PRKN: variants seen among roughly 807,000 people sequenced by gnomAD.
PRKN encodes parkin RBR E3 ubiquitin protein ligase.
Under a neutral mutation model 59.5 loss-of-function variants are expected in PRKN, and 56 were observed. The ratio of observed to expected loss-of-function variants is 0.94; its 90% CI spans 0.76 to 1.18. PRKN has a LOEUF of 1.18. Ranked by LOEUF, PRKN falls within the 50% of genes most tolerant of loss-of-function variation. The probability of loss-of-function intolerance (pLI) is 0.00; values close to 1 mark genes in which losing one functional copy is unlikely to be tolerated. For missense variants in PRKN, 657 were observed against 596.4 expected (o/e 1.10, Z -1.06); for synonymous variants, 250 against 222.1 (o/e 1.13, Z -1.12).
At chr6:162,445,459 C>A (rs1020896017) in intron 1 of PRKN, among the ~76,000 whole-genome samples, 1 of 151,918 alleles carries the variant, frequency 6.6e-6, no homozygotes, top group African/African-American at 2.4e-5. Context: ...GGCCAAGGGG[C>A]AAGGATGACT....
At chr6:162,007,363 TA>T (rs1438935461) in intron 5 of PRKN, among the ~76,000 whole-genome samples, 1 of 152,122 alleles carries the variant, frequency 6.6e-6, no homozygotes, top group Non-Finnish European at 1.5e-5. Context: ...AATGCAAGTA[TA>T]ATAGCAGACA....
chr6:161,783,681 G>T (rs769406618), intron 7 of PRKN: 2 of 507,708 alleles, frequency 3.9e-6, no homozygotes, highest in African/African-American at 1.9e-5. Context: ...AAGGCAGAAG[G>T]CTTACCAAAA....
At chr6:162,390,427 A>ACC (rs35304231) in intron 2 of PRKN, among the ~76,000 whole-genome samples, 3 of 137,236 alleles carry the variant, frequency 2.2e-5, no homozygotes, top group Admixed American at 7.2e-5. Context: ...ACACACACAC[A>ACC]CCTTATATAT....
At chr6:161,813,667 C>T (rs1791653334) in intron 6 of PRKN, among the ~76,000 whole-genome samples, 1 of 152,178 alleles carries the variant, frequency 6.6e-6, no homozygotes, top group South Asian at 2.1e-4. Context: ...GGGGCTGTAC[C>T]CACAAGGCTC....
At chr6:162,299,135 A>T (rs1457535682) in intron 2 of PRKN, among the ~76,000 whole-genome samples, 1 of 152,214 alleles carries the variant, frequency 6.6e-6, no homozygotes, top group East Asian at 1.9e-4. Context: ...AGCTGCTGGA[A>T]CACATCTCAG....
intron 2 of PRKN, among the ~76,000 whole-genome samples, chr6:162,325,246 T>C (rs1783217405): frequency 6.6e-6 from 1 of 152,118 alleles, no homozygotes; most frequent in Admixed American, 6.6e-5. Context: ...AACACTCCAT[T>C]TGGCTGGTTA....
intron 3 of PRKN, among the ~76,000 whole-genome samples, chr6:162,210,405 A>T (rs918233390): frequency 6.6e-6 from 1 of 152,174 alleles, no homozygotes; most frequent in African/African-American, 2.4e-5. Flanking sequence ...TGCCAAAAAA[A>T]TTCTGAACTC....
At chr6:162,686,185 T>C (rs890788526) in intron 1 of PRKN, among the ~76,000 whole-genome samples, 5 of 152,190 alleles carry the variant, frequency 3.3e-5, no homozygotes, top group Non-Finnish European at 7.3e-5. Context: ...TGAAAAACTA[T>C]ATTTTAAGTA....
chr6:162,374,706 T>G (rs925454073), intron 2 of PRKN, among the ~76,000 whole-genome samples: 5 of 152,076 alleles, frequency 3.3e-5, no homozygotes, highest in Non-Finnish European at 7.4e-5. Flanking sequence ...GAGTTTTTGT[T>G]GTTTGGGTTG....
At chr6:162,069,342 CAGTCATGTGGAACTGTA>C (rs2128290165) in intron 4 of PRKN, among the ~76,000 whole-genome samples, 1 of 152,302 alleles carries the variant, frequency 6.6e-6, no homozygotes, top group East Asian at 1.9e-4. Flanking sequence ...GAGGCCTCCC[CAGTCATGTGGAACTGTA>C]AGTCCAATTA....
At chr6:162,213,260 G>A (rs1053013292) in intron 3 of PRKN, among the ~76,000 whole-genome samples, 1 of 152,062 alleles carries the variant, frequency 6.6e-6, no homozygotes, top group Non-Finnish European at 1.5e-5. Context: ...TAAATATTGG[G>A]GGAAATCTCA....
At chr6:162,317,322 T>G (rs754764080) in intron 2 of PRKN, among the ~76,000 whole-genome samples, 3 of 151,980 alleles carry the variant, frequency 2.0e-5, no homozygotes, top group Non-Finnish European at 4.4e-5. Context: ...TACGACTGTT[T>G]TATAAATGTG....
chr6:162,478,539 C>G (rs9364660), intron 1 of PRKN, among the ~76,000 whole-genome samples: 47,060 of 152,072 alleles, frequency 0.31, 7,563 homozygotes, highest in East Asian at 0.49. Flanking sequence ...CAAGAGCATT[C>G]TAATAAGCAG....
At chr6:162,700,721 C>A (rs532109743) in intron 1 of PRKN, among the ~76,000 whole-genome samples, 2 of 152,076 alleles carry the variant, frequency 1.3e-5, no homozygotes, top group East Asian at 3.9e-4. Context: ...CAAATTGACC[C>A]ATTTCCTAAC....
intron 4 of PRKN, among the ~76,000 whole-genome samples, chr6:162,133,381 T>C (rs1411593240): frequency 1.3e-5 from 2 of 152,184 alleles, no homozygotes; most frequent in African/African-American, 2.4e-5. Flanking sequence ...TTGAAGATAT[T>C]TGTCCTTAGC....
intron 4 of PRKN, among the ~76,000 whole-genome samples, chr6:162,168,360 A>AT (rs36031802): frequency 5.0e-4 from 75 of 149,860 alleles, no homozygotes; most frequent in Admixed American, 2.1e-3. Context: ...TCCTTTCCAA[A>AT]TTTTTTTTTT....
At chr6:161,834,115 G>A (rs2128219239) in intron 6 of PRKN, among the ~76,000 whole-genome samples, 1 of 152,102 alleles carries the variant, frequency 6.6e-6, no homozygotes, top group East Asian at 1.9e-4. Flanking sequence ...CCAGCACACA[G>A]TGAGGAGAGG....
At chr6:161,716,232 A>G in intron 7 of PRKN, 2 of 551,766 alleles carry the variant, frequency 3.6e-6, no homozygotes, top group Non-Finnish European at 6.3e-6. Flanking sequence ...GTAATATTCT[A>G]TTGCCAGATG....
rs997329220 is a variant in PRKN, at chr6:161,953,149, T to C, written c.734+20153A>G. Among the ~76,000 whole-genome samples, 17 of 152,202 alleles carry C rather than the reference T, an allele frequency of 1.1e-4. 1 individual carries two copies. The highest frequency in any genetic ancestry group is 3.3e-4 in the Admixed American group (5 of 15,272). ...TTTATTTAGATGGAGTCTTGCTCTG[T>C]TGCCCACGCTGGAGTGCAGTGGTGT... is the stretch of plus-strand genomic sequence containing the variant. On this transcript the variant is annotated intron_variant, in intron 6 of 11. Transcript: ENST00000366898.
Sources: gnomAD v4.1 joint callset for allele counts (sites outside exome capture counted in the v4.1 genomes callset) on GRCh38, gnomAD v4.1.1 for gene constraint, MANE v1.5 for transcripts, NCBI Gene and HGNC (gene_info 2026-07-23, HGNC 2026-07-21) for gene names.